CHL1: variants seen among roughly 807,000 people sequenced by gnomAD.
CHL1 encodes the protein cell adhesion molecule L1 like.
CHL1 carries 96 observed loss-of-function variants against 141.9 expected under a neutral mutation model. That is an observed-to-expected ratio of 0.68 (90% CI 0.57 to 0.80). The LOEUF is 0.80. CHL1 is among the 30% of genes least tolerant of loss of function. CHL1 has a pLI of 0.00. For synonymous variants in CHL1, 613 were observed against 502.2 expected (o/e 1.22, Z -2.95); for missense variants, 1,820 against 1,457.2 (o/e 1.25, Z -4.05).
At chr3:222,753 T>A (rs1265094421) in intron 1 of CHL1, among the ~76,000 whole-genome samples, 1 of 152,156 alleles carries the variant, frequency 6.6e-6, no homozygotes, top group African/African-American at 2.4e-5. Flanking sequence ...TTTTTTTTGG[T>A]GGATCCATCC....
intron 5 of CHL1, among the ~76,000 whole-genome samples, chr3:336,110 G>A (rs114573022): frequency 0.016 from 2,427 of 152,218 alleles, 58 homozygotes; most frequent in African/African-American, 0.053. Context: ...AAGCCAGGAC[G>A]CAGGCCCAAG....
intron 25 of CHL1, 67 bp downstream of exon 25, chr3:398,452 C>A: frequency 1.0e-6 from 1 of 973,160 alleles, no homozygotes; most frequent in Non-Finnish European, 1.6e-6. Flanking sequence ...CTTAGTGTTG[C>A]CTGTGTCCTA....
At chr3:342,111 A>C in intron 7 of CHL1, 29 bp downstream of exon 7, 1 of 1,575,296 alleles carries the variant, frequency 6.3e-7, no homozygotes, top group Non-Finnish European at 8.7e-7. Flanking sequence ...TCGTTTCATC[A>C]TGTATGCTGA....
In CHL1 at chr3:276,757, C is replaced by T. The variant is rs562185030; in HGVS notation, c.-95+32065C>T. 2.1e-3 allele frequency among the ~76,000 whole-genome samples: 319 copies of T among 151,882 alleles called. 1 individual carries two copies. The highest frequency in any genetic ancestry group is 7.2e-3 in the African/African-American group (300 of 41,388). ...ACAAAAAATTAGCTGGGCATGCTGGCCGGCACCTGTAGTCCCAGCTACTCA... is the reference window on the plus strand; with the variant it reads ...ACAAAAAATTAGCTGGGCATGCTGGTCGGCACCTGTAGTCCCAGCTACTCA... On this transcript the variant is annotated intron_variant, in intron 2 of 27. Coordinates refer to ENST00000256509, the MANE Select transcript of CHL1 (RefSeq NM_006614.4).
chr3:340,636 T>C (rs75756874), intron 5 of CHL1, among the ~76,000 whole-genome samples, 158 bp from the exon 6 acceptor site: 1,871 of 152,270 alleles, frequency 0.012, 36 homozygotes, highest in African/African-American at 0.043. Context: ...AGTTTCTTAA[T>C]AGTATTTAAC....
chr3:287,837 T>C (rs952018240), intron 2 of CHL1, among the ~76,000 whole-genome samples: 2 of 152,040 alleles, frequency 1.3e-5, no homozygotes, highest in Admixed American at 6.5e-5. Context: ...ACGATCTCAG[T>C]TCACTGCAAC....
At chr3:376,899 A>G (rs1207095970) in intron 15 of CHL1, among the ~76,000 whole-genome samples, 1 of 152,202 alleles carries the variant, frequency 6.6e-6, no homozygotes, top group Non-Finnish European at 1.5e-5. Context: ...GATTCTGTCT[A>G]TAATCAAAAT....
chr3:207,022 C>A (rs1017754299), intron 1 of CHL1, among the ~76,000 whole-genome samples: 1 of 151,996 alleles, frequency 6.6e-6, no homozygotes, highest in Non-Finnish European at 1.5e-5. Flanking sequence ...AAAATGACAC[C>A]GATCATAATG....
intron 2 of CHL1, among the ~76,000 whole-genome samples, chr3:296,940 G>A (rs1698239581): frequency 6.6e-6 from 1 of 152,156 alleles, no homozygotes; most frequent in South Asian, 2.1e-4. Context: ...GGGAGAGAAT[G>A]TGCAAAACAA....
chr3:243,613 G>A (rs78303127), intron 1 of CHL1, among the ~76,000 whole-genome samples: 5,626 of 152,208 alleles, frequency 0.037, 131 homozygotes, highest in Middle Eastern at 0.065. Context: ...GGTTCTCTCC[G>A]GAGGCATTGC....
At chr3:339,421 A>C (rs1219801197) in intron 5 of CHL1, among the ~76,000 whole-genome samples, 1 of 152,216 alleles carries the variant, frequency 6.6e-6, no homozygotes, top group Non-Finnish European at 1.5e-5. Flanking sequence ...TATAGCAAAA[A>C]TGTGATTCAA....
chr3:339,728 G>C (rs1390867921), intron 5 of CHL1, among the ~76,000 whole-genome samples: 4 of 152,208 alleles, frequency 2.6e-5, no homozygotes, highest in Non-Finnish European at 5.9e-5. Flanking sequence ...TGGGGGTTGA[G>C]GGGCTATAGG....
intron 2 of CHL1, among the ~76,000 whole-genome samples, chr3:316,977 T>A (rs1176055084): frequency 2.0e-5 from 3 of 152,030 alleles, no homozygotes; most frequent in Non-Finnish European, 4.4e-5. Flanking sequence ...TTATGAATTC[T>A]GGCAATGAAA....
chr3:357,394 C>T (rs1289770921), intron 11 of CHL1, among the ~76,000 whole-genome samples: 1 of 152,160 alleles, frequency 6.6e-6, no homozygotes, highest in Non-Finnish European at 1.5e-5. Context: ...CGGACTAACC[C>T]TTTTCACATG....
chr3:387,418 T>C (rs1302736211), intron 19 of CHL1, among the ~76,000 whole-genome samples: 1 of 152,214 alleles, frequency 6.6e-6, no homozygotes, highest in Non-Finnish European at 1.5e-5. Flanking sequence ...TGTCTGAGGC[T>C]CAGTAGGCAT....
chr3:312,100 A>C (rs1235978274), intron 2 of CHL1, among the ~76,000 whole-genome samples: 2 of 152,224 alleles, frequency 1.3e-5, no homozygotes, highest in Non-Finnish European at 2.9e-5. Context: ...ATATTCAATT[A>C]TATTCCAGTT....
At chr3:336,633 C>G (rs1442719484) in intron 5 of CHL1, among the ~76,000 whole-genome samples, 1 of 152,168 alleles carries the variant, frequency 6.6e-6, no homozygotes, top group Non-Finnish European at 1.5e-5. Context: ...TGGTCTGAAT[C>G]TTTGTAACCA....
In CHL1 at chr3:328,209, C is replaced by T. The variant is rs1373131590; in HGVS notation, c.240C>T (p.Asp80=). The change falls in exon 5 of 28, where the codon GAC becomes GAT. Residue 80 remains aspartate (D), a synonymous_variant. Coordinates refer to ENST00000256509, the MANE Select transcript of CHL1 (RefSeq NM_006614.4). The part of the protein sequence containing the change: ...TKDGNPFYFT[D]HRIIPSNNSG... The stretch of plus-strand genomic sequence containing the variant: ...ATGGCAACCCTTTTTATTTCACTGA[C>T]CATCGGATAATTCCATCGAACAATT... 1 of 1,608,670 alleles carries T rather than the reference C, an allele frequency of 6.2e-7. No homozygotes were observed. The highest frequency in any genetic ancestry group is 1.7e-5 in the Admixed American group (1 of 59,560).
intron 15 of CHL1, among the ~76,000 whole-genome samples, chr3:369,000 T>C (rs760498264): frequency 2.0e-4 from 31 of 152,228 alleles, no homozygotes; most frequent in Non-Finnish European, 3.1e-4. Context: ...ACTGTCGCCT[T>C]GTAGTGTAGT....
Sources: gnomAD v4.1 joint callset for allele counts (sites outside exome capture counted in the v4.1 genomes callset) on GRCh38, gnomAD v4.1.1 for gene constraint, MANE v1.5 for transcripts, NCBI Gene and HGNC (gene_info 2026-07-23, HGNC 2026-07-21) for gene names.